EBF3: variants seen among roughly 807,000 people sequenced by gnomAD.
EBF3 encodes transcription factor COE3.
A neutral mutation model predicts 77.1 loss-of-function variants in EBF3; 18 were observed. The observed-to-expected ratio is 0.23, with a 90% CI of 0.16 to 0.35. The LOEUF (loss-of-function observed/expected upper bound fraction) is 0.35, where lower values mean the gene tolerates loss of function less well. Ranked by LOEUF, EBF3 falls within the 10% of genes least tolerant of loss-of-function variation. EBF3 has a pLI of 1.00. For missense variants in EBF3, 558 were observed against 860.0 expected, an observed-to-expected ratio of 0.65 and a Z score of 4.39; for synonymous variants, 350 against 343.5, an observed-to-expected ratio of 1.02 and a Z score of -0.21.
chr10:129,855,551 G>A (rs1240950353), intron 10 of EBF3, among the ~76,000 whole-genome samples: 1 of 152,168 alleles, frequency 6.6e-6, no homozygotes, highest in Non-Finnish European at 1.5e-5. Context: ...ACGGGACTGG[G>A]GGAGACAGGC....
At chr10:129,926,296 G>C (rs1399001296) in intron 6 of EBF3, among the ~76,000 whole-genome samples, 1 of 152,188 alleles carries the variant, frequency 6.6e-6, no homozygotes, top group Admixed American at 6.5e-5. Context: ...GACTCCAGTG[G>C]GGAAGGGAGT....
chr10:129,866,542 C>T (rs1852024845), intron 10 of EBF3, among the ~76,000 whole-genome samples: 1 of 152,212 alleles, frequency 6.6e-6, no homozygotes, highest in African/African-American at 2.4e-5. Context: ...CTGCATAGGC[C>T]ACACTTCCTG....
intron 10 of EBF3, among the ~76,000 whole-genome samples, chr10:129,854,600 C>T (rs768724231): frequency 7.6e-4 from 116 of 152,288 alleles, no homozygotes; most frequent in Non-Finnish European, 1.4e-3. Flanking sequence ...GGAATGAAAT[C>T]GGTTCCCTCT....
Position 129,873,586 on chromosome 10 carries a change from G to A in EBF3, c.647C>T (p.Ser216Leu), listed in dbSNP as rs1181265453. 12 of 1,541,522 alleles carry A rather than the reference G, an allele frequency of 7.8e-6. No homozygotes were observed. Among genetic ancestry groups the A allele is most frequent in the Non-Finnish European group, 1.1e-5 (12 of 1,141,568 alleles). The change falls in exon 8 of 17, where the codon TCG (serine) becomes TTG (leucine). Residue 216 changes from serine to leucine, a missense_variant. Physicochemically the swap from Ser to Leu is moderately radical, Grantham distance 145 (BLOSUM62 -2). Coordinates refer to ENST00000440978, the MANE Select transcript of EBF3 (RefSeq NM_001375380.1). ...RDMRRFQVVVSTTVNVDGHVL... is the reference protein window; with the variant it reads ...RDMRRFQVVVLTTVNVDGHVL... ...GTGGCCGTCCACGTTGACTGTTGTCGATACAACAACCTGCAAAGATGAAGT... is the reference window on the plus strand; with the variant it reads ...GTGGCCGTCCACGTTGACTGTTGTCAATACAACAACCTGCAAAGATGAAGT...
intron 6 of EBF3, among the ~76,000 whole-genome samples, chr10:129,896,369 G>A (rs112270473): frequency 6.6e-6 from 1 of 152,240 alleles, no homozygotes; most frequent in Non-Finnish European, 1.5e-5. Context: ...ATTAAAAGAG[G>A]GACTGAATGA....
rs76418479 is a variant in EBF3, at chr10:129,841,488, G to A, written c.1373-456C>T. Reference sequence around the variant, plus strand: ...GTTATTTCTATACATGGGGGCGTTCGGGGGACATGGAAGCTTCATTCCTGC... The same window carrying A: ...GTTATTTCTATACATGGGGGCGTTCAGGGGACATGGAAGCTTCATTCCTGC... On this transcript the variant is annotated intron_variant, in intron 13 of 16. Coordinates refer to ENST00000440978, the MANE Select transcript of EBF3 (RefSeq NM_001375380.1). The surrounding 1 kb of genome is among the most constrained non-coding windows in gnomAD (Gnocchi z 4.6). Among the ~76,000 whole-genome samples the A allele has an allele frequency of 4.8e-4, 73 of 152,274 alleles. No individual in the cohort carries two copies. The East Asian group carries it at 0.012, about 24-fold the overall frequency.
At chr10:129,912,075 G>A (rs1378411366) in intron 6 of EBF3, among the ~76,000 whole-genome samples, 21 of 152,142 alleles carry the variant, frequency 1.4e-4, no homozygotes, top group South Asian at 2.1e-4. Flanking sequence ...GAGGGCTCCC[G>A]CTAGGACCCA....
At chr10:129,933,477 T>C (rs1409006880) in intron 6 of EBF3, among the ~76,000 whole-genome samples, 6 of 152,198 alleles carry the variant, frequency 3.9e-5, no homozygotes, top group Non-Finnish European at 7.3e-5. Context: ...GCAGTATAGA[T>C]GGCATTCGAT....
intron 8 of EBF3, among the ~76,000 whole-genome samples, chr10:129,871,483 G>A (rs1006806746): frequency 6.6e-6 from 1 of 152,176 alleles, no homozygotes; most frequent in Non-Finnish European, 1.5e-5. Context: ...TGTTAGCTAG[G>A]AGAGGCTGCA....
At chr10:129,893,679 C>A (rs1854172249) in intron 6 of EBF3, among the ~76,000 whole-genome samples, 1 of 152,234 alleles carries the variant, frequency 6.6e-6, no homozygotes, top group African/African-American at 2.4e-5. Context: ...ACGAGCCTCT[C>A]CAGCTAATCT....
Position 129,964,274 on chromosome 10 carries a change from T to C in EBF3, c.-506A>G, listed in dbSNP as rs1485145360. The C allele has an allele frequency of 1.1e-5, 11 of 984,870 alleles. No homozygotes were observed. The highest frequency in any genetic ancestry group is 1.3e-5 in the Non-Finnish European group (11 of 829,768). The allele number at this position is 984,870 out of a possible 1,614,324, so 61.0% of individuals were successfully genotyped here. On this transcript the variant is annotated 5_prime_UTR_variant, in exon 1 of 17. Coordinates refer to ENST00000440978, the MANE Select transcript of EBF3 (RefSeq NM_001375380.1). This position sits in a 1 kb window ranked among gnomAD's most constrained non-coding sequence, Gnocchi z 4.5. Reference sequence around the variant, plus strand: ...AACTCAGCCCTCTCTCCCCGAGGAATGGACCCTTTCCCGGGAGCCAAAACT... The same window carrying C: ...AACTCAGCCCTCTCTCCCCGAGGAACGGACCCTTTCCCGGGAGCCAAAACT...
At chr10:129,889,377 G>A (rs1027130995) in intron 6 of EBF3, among the ~76,000 whole-genome samples, 3 of 152,240 alleles carry the variant, frequency 2.0e-5, no homozygotes, top group African/African-American at 7.2e-5. Context: ...ACGCCAGGGT[G>A]GGCGGGCAGC....
At chr10:129,953,690 C>T (rs754750577) in intron 6 of EBF3, among the ~76,000 whole-genome samples, 25 of 152,236 alleles carry the variant, frequency 1.6e-4, no homozygotes, top group Non-Finnish European at 2.9e-4. Flanking sequence ...ACAGCCCCTG[C>T]TCCCACCACC....
intron 6 of EBF3, among the ~76,000 whole-genome samples, chr10:129,917,665 A>AAAAAAAC (rs1855980833): frequency 6.7e-6 from 1 of 149,466 alleles, no homozygotes; most frequent in South Asian, 2.1e-4. Context: ...AAAAAAAAAA[A>AAAAAAAC]AAAAAAAAAA....
At chr10:129,844,272 G>A (rs1850296365) in intron 11 of EBF3, among the ~76,000 whole-genome samples, 2 of 152,218 alleles carry the variant, frequency 1.3e-5, no homozygotes, top group African/African-American at 4.8e-5. Flanking sequence ...CTACATCTGG[G>A]CACCTCTTGT....
chr10:129,958,799 C>T (rs569244106), intron 5 of EBF3, 135 bp downstream of exon 5: 202 of 1,242,344 alleles, frequency 1.6e-4, no homozygotes, highest in Non-Finnish European at 2.0e-4. Flanking sequence ...GGCGCGCGGC[C>T]TCGGGCCGAT....
intron 9 of EBF3, 91 bp downstream of exon 9, chr10:129,867,691 G>A: frequency 6.4e-7 from 1 of 1,566,342 alleles, no homozygotes; most frequent in South Asian, 1.2e-5. Context: ...ATTTGCCATA[G>A]GGCACCTTGT....
intron 6 of EBF3, among the ~76,000 whole-genome samples, chr10:129,946,261 A>C (rs1430295396): frequency 6.6e-6 from 1 of 152,236 alleles, no homozygotes; most frequent in Non-Finnish European, 1.5e-5. Context: ...AATTACCATA[A>C]CACACAACTC....
At position 129,920,511 on chromosome 10, in the gene EBF3, A is replaced by G. The variant is rs868126758; in HGVS notation, c.554+36747T>C. On this transcript the variant is annotated intron_variant, in intron 6 of 16. Transcript: ENST00000440978. ...CTCTGGGTTAATGGGTGGAGCATTA[A>G]GAGCTCCTCCTGACCCAGCTGGGGC... Among the ~76,000 whole-genome samples, 25 of 152,358 alleles carry G rather than the reference A, an allele frequency of 1.6e-4. 1 individual carries two copies. The highest frequency in any genetic ancestry group is 3.4e-3 in the Middle Eastern group (1 of 294).
Sources: allele counts gnomAD v4.1 joint callset (sites outside exome capture counted in the v4.1 genomes callset), GRCh38; gene constraint gnomAD v4.1.1; non-coding constraint Gnocchi (gnomAD v3.1); transcripts MANE v1.5; gene names NCBI Gene and HGNC (gene_info 2026-07-23, HGNC 2026-07-21).